Variants in FKBP11 observed in about 807,000 individuals in gnomAD.
The protein encoded by FKBP11 is peptidyl-prolyl cis-trans isomerase FKBP11.
In FKBP11, 21 loss-of-function variants were observed where a neutral mutation model predicts 24.7. The observed-to-expected ratio is 0.85, with a 90% CI of 0.60 to 1.23. FKBP11 has a LOEUF of 1.23. Among genes scored for constraint, FKBP11 ranks in the 50% most tolerant of loss-of-function variants. FKBP11 has a pLI of 0.00. For synonymous variants in FKBP11, 106 were observed against 100.6 expected, an observed-to-expected ratio of 1.05 and a Z score of -0.32; for missense variants, 245 against 248.7, an observed-to-expected ratio of 0.99 and a Z score of 0.10.
intron 2 of FKBP11, 88 bp downstream of exon 2, chr12:48,924,958 G>A: frequency 6.7e-7 from 1 of 1,488,832 alleles, no homozygotes; most frequent in Non-Finnish European, 9.0e-7. Context: ...CTCCCGAACC[G>A]CTTGCCACGT....
At position 48,923,797 on chromosome 12, in the gene FKBP11, G is replaced by A. The variant is rs1435152118; in HGVS notation, c.373C>T (p.Pro125Ser). 1 of 1,614,100 alleles carries A rather than the reference G, an allele frequency of 6.2e-7. No homozygotes were observed. The highest frequency in any genetic ancestry group is 2.2e-5 in the East Asian group (1 of 44,892). The change falls in exon 5 of 6, where the codon CCA becomes TCA. Residue 125 changes from proline (P) to serine (S), a missense_variant. Physicochemically the swap from Pro to Ser is moderately conservative, Grantham distance 74. Coordinates refer to ENST00000550765, the MANE Select transcript of FKBP11 (RefSeq NM_016594.3). ...GTCAGATTACCTGGGACAGATGGTG[G>A]AAATCCCCGTTTTCCATAGGCCAAG... Reference protein sequence around the residue: ...SHLAYGKRGFPPSVPADAVVQ... With the variant: ...SHLAYGKRGFSPSVPADAVVQ...
chr12:48,925,017 G>GCCCCCC (rs1939927391), intron 2 of FKBP11, 29 bp downstream of exon 2: 19 of 1,553,616 alleles, frequency 1.2e-5, no homozygotes, highest in East Asian at 4.5e-5. Flanking sequence ...CCCCTCCCAG[G>GCCCCCC]CCCCGCCCCG....
the FKBP11 span, among the ~76,000 whole-genome samples, chr12:48,932,175 A>ATATATATATAATATAAACATATAATTG: frequency 7.2e-6 from 1 of 138,594 alleles, no homozygotes; most frequent in South Asian, 2.2e-4. Context: ...AAAAATATAT[A>ATATATATATAATATAAACATATAATTG]TATATATATA....
At chr12:48,938,441 C>T in the FKBP11 span, 2 of 453,570 alleles carry the variant, frequency 4.4e-6, no homozygotes, top group East Asian at 1.4e-4. Context: ...CTCCCCCCGG[C>T]CCCCACAAAT....
chr12:48,930,343 A>G (rs1246341222), upstream of FKBP11, among the ~76,000 whole-genome samples: 14 of 152,242 alleles, frequency 9.2e-5, no homozygotes, highest in Non-Finnish European at 2.9e-5. Flanking sequence ...AAGGATGCAC[A>G]TCAAATAGCT....
the FKBP11 span, chr12:48,938,466 A>C: frequency 2.2e-6 from 1 of 451,030 alleles, no homozygotes; most frequent in Non-Finnish European, 4.4e-6. Flanking sequence ...CTCTCTATAC[A>C]TGTATATACA....
chr12:48,931,539 C>T, the FKBP11 span: 1 of 1,376,074 alleles, frequency 7.3e-7, no homozygotes, highest in Non-Finnish European at 1.0e-6. Flanking sequence ...AGTTGGCCCA[C>T]CCCTGGCTGG....
chr12:48,926,872 C>T (rs1420985448), upstream of FKBP11, among the ~76,000 whole-genome samples: 3 of 152,196 alleles, frequency 2.0e-5, no homozygotes, highest in Admixed American at 6.5e-5. Context: ...TGCAATGGCA[C>T]GATCTTGGCT....
chr12:48,922,714 G>A (rs1042228069), intron 5 of FKBP11: 283 of 993,818 alleles, frequency 2.8e-4, no homozygotes, highest in Non-Finnish European at 3.2e-4. Context: ...AAAGGGGCAG[G>A]TGGAACAGAA....
the FKBP11 span, chr12:48,937,261 TGGGAAG>T: frequency 6.6e-6 from 1 of 152,208 alleles, no homozygotes; most frequent in Non-Finnish European, 1.5e-5. Flanking sequence ...ACAGCCCTAC[TGGGAAG>T]GGGTCCCTCA....
chr12:48,932,237 A>ATCATATAAACATATATTTATATT, the FKBP11 span, among the ~76,000 whole-genome samples: 1 of 32,758 alleles, frequency 3.1e-5, no homozygotes, highest in African/African-American at 1.3e-4. Context: ...TTATATATAT[A>ATCATATAAACATATATTTATATT]TATATATATA....
chr12:48,923,524 G>C (rs566836796), intron 5 of FKBP11: 1 of 1,551,136 alleles, frequency 6.4e-7, no homozygotes, highest in Non-Finnish European at 8.7e-7. Context: ...AGACCCATGT[G>C]GCCCAAGCAG....
intron 5 of FKBP11, chr12:48,922,691 C>T: frequency 6.0e-6 from 6 of 993,250 alleles, no homozygotes; most frequent in Non-Finnish European, 7.2e-6. Flanking sequence ...GATGAGGATG[C>T]TGCTTAAGAA....
At chr12:48,930,998 G>A (rs1050742611), upstream of FKBP11, among the ~76,000 whole-genome samples, 7 of 151,786 alleles carry the variant, frequency 4.6e-5, no homozygotes, top group Non-Finnish European at 7.4e-5. Context: ...GCGTGGTGGC[G>A]GGTACCTGTA....
rs531118827 is a variant in FKBP11 at position 48,924,601 on chromosome 12, G to A, written c.243C>T (p.Asp81=). The change falls in exon 3 of 6, where the codon GAC becomes GAT. Residue 81 remains aspartate (D), a synonymous_variant. Coordinates refer to ENST00000550765, the MANE Select transcript of FKBP11 (RefSeq NM_016594.3). ...TTTGGCCAAGTTCTATAACCAGAGG[G>A]TCTCTGGTCAGGGAGGTGTCAATAA... ...GRIIDTSLTR[D]PLVIELGQKQ... The A allele has an allele frequency of 3.9e-5, 63 of 1,614,034 alleles. No individual in the cohort carries two copies. Among genetic ancestry groups the A allele is most frequent in the Middle Eastern group, 1.7e-4 (1 of 6,056 alleles).
chr12:48,930,395 G>A (rs1940032782), upstream of FKBP11, among the ~76,000 whole-genome samples: 2 of 152,174 alleles, frequency 1.3e-5, no homozygotes, highest in Admixed American at 1.3e-4. Flanking sequence ...AAGAGTAAGG[G>A]CAATGTCCCA....
In FKBP11 at chr12:48,924,541, G is replaced by A. The variant is rs1294244206; in HGVS notation, c.283+20C>T. On this transcript the variant is annotated intron_variant, in intron 3 of 5. Coordinates refer to ENST00000550765, the MANE Select transcript of FKBP11 (RefSeq NM_016594.3). ...GGCTTAGGTTGGGAAGAGGTGGAATGGGAGGCACAGGTCACATACCTGGAA... is the reference window on the plus strand; with the variant it reads ...GGCTTAGGTTGGGAAGAGGTGGAATAGGAGGCACAGGTCACATACCTGGAA... The A allele has an allele frequency of 6.2e-7, 1 of 1,604,384 alleles. No individual in the cohort carries two copies. The highest frequency in any genetic ancestry group is 1.7e-5 in the Admixed American group (1 of 60,000).
the FKBP11 span, among the ~76,000 whole-genome samples, chr12:48,932,168 A>AATAG: frequency 8.1e-6 from 1 of 124,010 alleles, no homozygotes. Context: ...TAAAAGTAAA[A>AATAG]ATATATATAT....
intron 5 of FKBP11, chr12:48,922,827 C>T: frequency 9.8e-7 from 1 of 1,016,146 alleles, no homozygotes; most frequent in Non-Finnish European, 1.2e-6. Context: ...CCTTCCAGGC[C>T]TTCCTCTAAG....
Sources: allele counts gnomAD v4.1 joint callset (sites outside exome capture counted in the v4.1 genomes callset), GRCh38; gene constraint gnomAD v4.1.1; transcripts MANE v1.5; gene names NCBI Gene and HGNC (gene_info 2026-07-23, HGNC 2026-07-21).